Variants in CILP observed in about 807,000 individuals in gnomAD.
CILP encodes the protein cartilage intermediate layer protein, also known as cartilage intermediate layer protein 1.
CILP carries 75 observed loss-of-function variants against 82.5 expected under a neutral mutation model. That is an observed-to-expected ratio of 0.91 (90% CI 0.75 to 1.10). The LOEUF is 1.10. Ranked by LOEUF, CILP falls within the 50% of genes least tolerant of loss-of-function variation. CILP has a pLI of 0.00. For missense variants in CILP, 1,479 were observed against 1,530.8 expected (o/e 0.97, Z 0.56); for synonymous variants, 530 against 580.3 (o/e 0.91, Z 1.25).
At chr15:65,199,998 C>G (rs1325722884) in intron 8 of CILP, among the ~76,000 whole-genome samples, 1 of 152,074 alleles carries the variant, frequency 6.6e-6, no homozygotes, top group Non-Finnish European at 1.5e-5. Context: ...ACACCATTAC[C>G]CAAGGACTGT....
At chr15:65,200,099 TG>T (rs2088431120) in intron 8 of CILP, among the ~76,000 whole-genome samples, 1 of 152,230 alleles carries the variant, frequency 6.6e-6, no homozygotes, top group East Asian at 1.9e-4. Context: ...GTTAACTTCT[TG>T]GTTTGTCTTC....
intron 1 of CILP, among the ~76,000 whole-genome samples, chr15:65,210,515 G>A (rs991789073): frequency 2.6e-5 from 4 of 152,238 alleles, no homozygotes; most frequent in African/African-American, 9.6e-5. Flanking sequence ...CTGAGCGTGG[G>A]TGAGGAACTG....
intron 8 of CILP, among the ~76,000 whole-genome samples, chr15:65,201,071 G>A (rs1439698915): frequency 2.0e-5 from 3 of 151,870 alleles, no homozygotes; most frequent in South Asian, 2.1e-4. Context: ...GCGTGAACTC[G>A]GCTCACTGCA....
At chr15:65,206,574 T>G (rs28403194) in intron 4 of CILP, among the ~76,000 whole-genome samples, 1,851 of 152,236 alleles carry the variant, frequency 0.012, 44 homozygotes, top group African/African-American at 0.04. Flanking sequence ...AAAACACTAT[T>G]GGAAAAGTTC....
rs376951860 is a variant in CILP, at chr15:65,207,770, G to A, written c.62-6C>T. ...GGTGAGCATCGTCTGTCTCCCTGAG[G>A]GCCAGAAGGAGAAGCTAAGTGAGAG... On this transcript the variant is annotated splice_region_variant and splice_polypyrimidine_tract_variant and intron_variant, in intron 2 of 8. Transcript: ENST00000261883. The A allele has an allele frequency of 4.6e-4, 743 of 1,613,064 alleles. 1 individual carries two copies. The highest frequency in any genetic ancestry group is 6.0e-4 in the Non-Finnish European group (707 of 1,179,036).
intron 1 of CILP, among the ~76,000 whole-genome samples, chr15:65,210,378 C>T (rs757768359): frequency 7.9e-5 from 12 of 152,178 alleles, no homozygotes; most frequent in Non-Finnish European, 1.6e-4. Context: ...CAGATGTGCA[C>T]GGGCTGCAGC....
At chr15:65,202,834 CTTTTTTTTTT>C in intron 7 of CILP, among the ~76,000 whole-genome samples, 2 of 117,566 alleles carry the variant, frequency 1.7e-5, no homozygotes, top group Admixed American at 1.9e-4. Flanking sequence ...GGGACCACAG[CTTTTTTTTTT>C]TTTTTTTTTG....
chr15:65,209,099 A>C (rs1374263796), intron 2 of CILP, among the ~76,000 whole-genome samples: 2 of 127,524 alleles, frequency 1.6e-5, no homozygotes, highest in African/African-American at 5.9e-5. Context: ...GGTGGGAGAG[A>C]GTGTGCAGGG....
chr15:65,205,506 G>C (rs1419700251), intron 4 of CILP, 40 bp from the exon 5 acceptor site: 3 of 1,548,746 alleles, frequency 1.9e-6, no homozygotes, highest in African/African-American at 2.7e-5. Flanking sequence ...TTTCCCTCTT[G>C]AGGGAACTCT....
Sources: gnomAD v4.1 joint callset for allele counts (sites outside exome capture counted in the v4.1 genomes callset) on GRCh38, gnomAD v4.1.1 for gene constraint, MANE v1.5 for transcripts, NCBI Gene and HGNC (gene_info 2026-07-23, HGNC 2026-07-21) for gene names.